Variants in PI4K2A observed in about 807,000 individuals in gnomAD.
PI4K2A encodes the protein phosphatidylinositol 4-kinase type 2-alpha.
Under a neutral mutation model 55.0 loss-of-function variants are expected in PI4K2A, and 20 were observed. The observed-to-expected ratio is 0.36, with a 90% CI of 0.26 to 0.53. PI4K2A has a LOEUF of 0.53. Among genes scored for constraint, PI4K2A ranks in the 20% least tolerant of loss-of-function variants. PI4K2A has a pLI of 0.91. For missense variants in PI4K2A, 463 were observed against 637.1 expected (o/e 0.73, Z 2.94); for synonymous variants, 235 against 258.5 (o/e 0.91, Z 0.87).
At chr10:97,666,984 G>T in intron 7 of PI4K2A, 77 bp from the exon 8 acceptor site, 1 of 1,156,260 alleles carries the variant, frequency 8.6e-7, no homozygotes, top group Non-Finnish European at 1.3e-6. Flanking sequence ...TTCTTAGAAA[G>T]TTTCTAACTG....
chr10:97,640,874 G>A (rs2041463612), exon 1 of PI4K2A: 2 of 1,312,890 alleles, frequency 1.5e-6, no homozygotes, highest in South Asian at 4.5e-5. Context: ...CGGCCGGCTC[G>A]GGCCCCTCTC....
chr10:97,653,440 G>A (rs1306042391), intron 2 of PI4K2A, among the ~76,000 whole-genome samples: 13 of 152,240 alleles, frequency 8.5e-5, no homozygotes, highest in Non-Finnish European at 4.4e-5. Flanking sequence ...ACATAGCTGA[G>A]TGAGTGCCAG....
chr10:97,654,387 A>T (rs1180214074), intron 2 of PI4K2A, among the ~76,000 whole-genome samples: 3 of 152,168 alleles, frequency 2.0e-5, no homozygotes, highest in African/African-American at 7.2e-5. Flanking sequence ...AGTACCATGC[A>T]CATCCATTTT....
intron 4 of PI4K2A, 150 bp from the exon 5 acceptor site, chr10:97,662,757 C>T (rs748699556): frequency 6.5e-5 from 42 of 641,758 alleles, no homozygotes; most frequent in African/African-American, 5.5e-4. Context: ...ATCTCCAGTA[C>T]CTTAAAAAAG....
intron 2 of PI4K2A, among the ~76,000 whole-genome samples, chr10:97,652,195 T>G (rs1247750303): frequency 5.3e-5 from 8 of 152,176 alleles, no homozygotes; most frequent in African/African-American, 1.9e-4. Context: ...ATTATTGTTT[T>G]GTGTATAATT....
At chr10:97,641,144 C>A (rs1255349979) in exon 1 of PI4K2A, 1 of 1,606,848 alleles carries the variant, frequency 6.2e-7, no homozygotes, top group East Asian at 2.2e-5. Context: ...ACCAGGGCTC[C>A]AGCGGAAGCT....
At chr10:97,650,773 C>T (rs2041526907) in intron 1 of PI4K2A, among the ~76,000 whole-genome samples, 168 bp from the exon 2 acceptor site, 2 of 152,220 alleles carry the variant, frequency 1.3e-5, no homozygotes, top group Admixed American at 6.5e-5. Context: ...TAGCTGCACA[C>T]ACGAGCTGGT....
At chr10:97,646,362 G>A (rs34306134) in intron 1 of PI4K2A, among the ~76,000 whole-genome samples, 6 of 151,648 alleles carry the variant, frequency 4.0e-5, no homozygotes, top group African/African-American at 1.5e-4. Context: ...TTACAGGTGC[G>A]CCCACCACCA....
intron 8 of PI4K2A, among the ~76,000 whole-genome samples, chr10:97,668,965 A>G (rs1230758243): frequency 6.6e-6 from 1 of 152,046 alleles, no homozygotes; most frequent in African/African-American, 2.4e-5. Flanking sequence ...TCCCAGGTTC[A>G]AGTGATTCTC....
intron 4 of PI4K2A, 82 bp from the exon 5 acceptor site, chr10:97,662,825 G>A (rs575674673): frequency 4.0e-5 from 33 of 831,792 alleles, no homozygotes; most frequent in Middle Eastern, 2.2e-4. Context: ...GTTAGTCCGA[G>A]TGTCCAGAAT....
intron 5 of PI4K2A, among the ~76,000 whole-genome samples, chr10:97,664,129 C>A (rs1457501109): frequency 6.6e-6 from 1 of 152,170 alleles, no homozygotes; most frequent in Non-Finnish European, 1.5e-5. Flanking sequence ...TACACAGATT[C>A]TTCAGGCCTT....
intron 5 of PI4K2A, among the ~76,000 whole-genome samples, chr10:97,663,391 C>CA (rs915197007): frequency 5.5e-4 from 84 of 152,332 alleles, no homozygotes; most frequent in African/African-American, 1.9e-3. Flanking sequence ...ACTTTCTTTC[C>CA]TTTCTCATTC....
intron 5 of PI4K2A, 118 bp downstream of exon 5, chr10:97,663,086 T>G (rs1185687755): frequency 2.8e-6 from 2 of 706,924 alleles, no homozygotes; most frequent in Non-Finnish European, 5.1e-6. Context: ...GCGCATATGT[T>G]TAAAATTAAT....
chr10:97,658,039 T>A (rs751045670), intron 4 of PI4K2A, among the ~76,000 whole-genome samples: 1 of 152,184 alleles, frequency 6.6e-6, no homozygotes, highest in Non-Finnish European at 1.5e-5. Flanking sequence ...TTCACCATGT[T>A]GGCCAGGCTG....
intron 1 of PI4K2A, among the ~76,000 whole-genome samples, chr10:97,645,165 C>T (rs2041498892): frequency 6.6e-6 from 1 of 152,112 alleles, no homozygotes; most frequent in African/African-American, 2.4e-5. Flanking sequence ...ATGTGACTCA[C>T]TAGGTTAAGA....
At position 97,650,012 on chromosome 10, in the gene PI4K2A, C is replaced by T. The variant is rs186690954; in HGVS notation, c.436-929C>T. Among the ~76,000 whole-genome samples the T allele has an allele frequency of 9.0e-4, 137 of 152,032 alleles. 1 individual carries two copies. Among genetic ancestry groups the T allele is most frequent in the Admixed American group, 8.7e-3 (132 of 15,260 alleles). ...AACAACAGTGTGCATAATGTAACTTCGGAAATTAGAGTTTATGATGTTAAA... is the reference window on the plus strand; with the variant it reads ...AACAACAGTGTGCATAATGTAACTTTGGAAATTAGAGTTTATGATGTTAAA... On this transcript the variant is annotated intron_variant, in intron 1 of 8. Coordinates refer to ENST00000370631, the Ensembl canonical transcript of PI4K2A.
intron 6 of PI4K2A, among the ~76,000 whole-genome samples, chr10:97,665,967 T>C (rs2041607999): frequency 6.6e-6 from 1 of 152,204 alleles, no homozygotes; most frequent in Non-Finnish European, 1.5e-5. Context: ...TCCTGTTATC[T>C]GAGGACTGTC....
exon 1 of PI4K2A, chr10:97,640,871 C>G (rs533022417): frequency 4.9e-4 from 642 of 1,312,954 alleles, no homozygotes; most frequent in Non-Finnish European, 5.7e-4. Context: ...CGGCGGCCGG[C>G]TCGGGCCCCT....
chr10:97,654,286 T>C lies in PI4K2A; in HGVS notation c.637-1999T>C, dbSNP rs554030729. ...CTTGAGAGAGCCAGGAGTTTCACTG[T>C]GGACACTGGCAAGGTAGCCTTAGGA... On this transcript the variant is annotated intron_variant, in intron 2 of 8. Coordinates refer to ENST00000370631, the Ensembl canonical transcript of PI4K2A. 4.4e-4 allele frequency among the ~76,000 whole-genome samples: 67 copies of C among 152,310 alleles called. 1 individual carries two copies. Among genetic ancestry groups the C allele is most frequent in the Non-Finnish European group, 8.4e-4 (57 of 68,030 alleles).
Sources: gnomAD v4.1 joint callset for allele counts (sites outside exome capture counted in the v4.1 genomes callset) on GRCh38, gnomAD v4.1.1 for gene constraint, MANE v1.5 for transcripts, NCBI Gene and HGNC (gene_info 2026-07-23, HGNC 2026-07-21) for gene names.